The following LARGE1 variants were observed in gnomAD, a reference collection of about 807,000 sequenced individuals.
LARGE1 encodes xylosyl- and glucuronyltransferase LARGE1.
LARGE1 carries 43 observed loss-of-function variants against 87.6 expected under a neutral mutation model. The observed-to-expected ratio is 0.49, with a 90% CI of 0.38 to 0.63. The LOEUF (loss-of-function observed/expected upper bound fraction) is 0.63. Ranked by LOEUF, LARGE1 falls within the 30% of genes least tolerant of loss-of-function variation. LARGE1 has a pLI of 0.00. For synonymous variants in LARGE1, 434 were observed against 394.6 expected (o/e 1.10, Z -1.18); for missense variants, 802 against 1,000.2 (o/e 0.80, Z 2.67).
chr22:33,303,581 T>C (rs1283345880), intron 12 of LARGE1, among the ~76,000 whole-genome samples: 1 of 152,216 alleles, frequency 6.6e-6, no homozygotes, highest in South Asian at 2.1e-4. Context: ...ATGAAGGTTG[T>C]CTGGTCCAAA....
At chr22:33,695,256 A>G (rs552538070) in intron 2 of LARGE1, among the ~76,000 whole-genome samples, 3 of 151,828 alleles carry the variant, frequency 2.0e-5, no homozygotes, top group Non-Finnish European at 2.9e-5. Context: ...GGCGCACGCC[A>G]CCATACCCTG....
intron 4 of LARGE1, among the ~76,000 whole-genome samples, chr22:33,624,369 G>C (rs2079854231): frequency 6.6e-6 from 1 of 152,178 alleles, no homozygotes; most frequent in African/African-American, 2.4e-5. Context: ...TAAATCTAAT[G>C]ATGGAAAGAA....
intron 6 of LARGE1, among the ~76,000 whole-genome samples, chr22:33,519,040 C>CAAAAG (rs928485413): frequency 2.0e-5 from 3 of 151,934 alleles, no homozygotes; most frequent in Non-Finnish European, 4.4e-5. Flanking sequence ...TTGTTTTAGG[C>CAAAAG]AAAAGAAAAG....
chr22:33,427,802 A>G (rs2066931593), intron 7 of LARGE1, among the ~76,000 whole-genome samples: 1 of 152,262 alleles, frequency 6.6e-6, no homozygotes, highest in African/African-American at 2.4e-5. Context: ...TCCCCAGTTC[A>G]TAAATGAGAA....
chr22:33,667,893 C>T (rs780906631), intron 2 of LARGE1, among the ~76,000 whole-genome samples: 14 of 152,214 alleles, frequency 9.2e-5, no homozygotes, highest in Admixed American at 4.6e-4. Flanking sequence ...ACAGACATCG[C>T]CACACACTTT....
chr22:33,409,860 CA>C (rs35645500), intron 7 of LARGE1, among the ~76,000 whole-genome samples: 4,788 of 63,084 alleles, frequency 0.076, 70 homozygotes, highest in African/African-American at 0.11. Flanking sequence ...GACTCCATCT[CA>C]AAAAAAAAAA....
chr22:33,631,853 C>T (rs779518346), intron 3 of LARGE1, among the ~76,000 whole-genome samples: 26 of 152,214 alleles, frequency 1.7e-4, no homozygotes, highest in Non-Finnish European at 3.1e-4. Context: ...TCACCAAACA[C>T]ATGAGCGATG....
chr22:33,276,475 G>A (rs1013292093), intron 14 of LARGE1, among the ~76,000 whole-genome samples: 2 of 152,184 alleles, frequency 1.3e-5, no homozygotes, highest in Non-Finnish European at 2.9e-5. Flanking sequence ...CTTACTATCT[G>A]GTCCTTTACA....
intron 6 of LARGE1, among the ~76,000 whole-genome samples, chr22:33,452,195 C>T (rs923457062): frequency 1.3e-5 from 2 of 152,108 alleles, no homozygotes; most frequent in African/African-American, 4.8e-5. Flanking sequence ...CATTCCAATG[C>T]GGGAGCTGGA....
At chr22:33,545,604 G>T (rs1324141299) in intron 6 of LARGE1, among the ~76,000 whole-genome samples, 1 of 152,176 alleles carries the variant, frequency 6.6e-6, no homozygotes, top group Non-Finnish European at 1.5e-5. Context: ...ACCATGCCTG[G>T]CTAATTGTAT....
At chr22:33,310,019 A>C (rs1294802591) in intron 11 of LARGE1, among the ~76,000 whole-genome samples, 2 of 152,202 alleles carry the variant, frequency 1.3e-5, no homozygotes, top group Admixed American at 6.5e-5. Context: ...TTCACTCTCC[A>C]GAACGGTCAG....
intron 11 of LARGE1, among the ~76,000 whole-genome samples, chr22:33,244,423 C>A (rs967066219): frequency 1.3e-5 from 2 of 152,124 alleles, no homozygotes; most frequent in Non-Finnish European, 2.9e-5. Context: ...GGCTAAGCAA[C>A]TTTTTAGAAG....
At chr22:33,738,103 T>G (rs919370520) in intron 2 of LARGE1, among the ~76,000 whole-genome samples, 25 of 152,174 alleles carry the variant, frequency 1.6e-4, no homozygotes, top group African/African-American at 5.8e-4. Flanking sequence ...ATACATGTAT[T>G]TCAGGTAATC....
chr22:33,082,192 G>A, the LARGE1 span, among the ~76,000 whole-genome samples: 4 of 152,012 alleles, frequency 2.6e-5, no homozygotes, highest in East Asian at 3.9e-4. Flanking sequence ...CTCTACTGCC[G>A]CACTGATTAT....
intron 2 of LARGE1, among the ~76,000 whole-genome samples, chr22:33,651,665 C>T (rs766504188): frequency 7.2e-5 from 11 of 152,138 alleles, no homozygotes; most frequent in Non-Finnish European, 1.3e-4. Context: ...TAGGCAAAGG[C>T]GGGTCTTACC....
intron 11 of LARGE1, among the ~76,000 whole-genome samples, chr22:33,212,082 G>A (rs953324515): frequency 2.0e-5 from 3 of 152,142 alleles, no homozygotes; most frequent in African/African-American, 7.2e-5. Context: ...TGATGGAGAA[G>A]CTGAAGTTAT....
chr22:33,497,071 C>CTTTTTTTT (rs5845088), intron 6 of LARGE1, among the ~76,000 whole-genome samples: 2 of 133,960 alleles, frequency 1.5e-5, no homozygotes, highest in Admixed American at 7.5e-5. Context: ...CTTTTCTTTT[C>CTTTTTTTT]TTTTTTTTTT....
At chr22:33,463,174 A>G (rs896655422) in intron 6 of LARGE1, among the ~76,000 whole-genome samples, 20 of 152,150 alleles carry the variant, frequency 1.3e-4, no homozygotes, top group Non-Finnish European at 2.6e-4. Context: ...CAATCTAGTA[A>G]ATAGACCCTT....
chr22:33,528,027 A>G (rs1369736450), intron 6 of LARGE1, among the ~76,000 whole-genome samples: 1 of 152,088 alleles, frequency 6.6e-6, no homozygotes, highest in Non-Finnish European at 1.5e-5. Context: ...TGGAAAGATT[A>G]AACGAGAAAA....
Sources: gnomAD v4.1 joint callset for allele counts (sites outside exome capture counted in the v4.1 genomes callset) on GRCh38, gnomAD v4.1.1 for gene constraint, MANE v1.5 for transcripts, NCBI Gene and HGNC (gene_info 2026-07-23, HGNC 2026-07-21) for gene names.